L3MBTL4: variants seen among roughly 807,000 people sequenced by gnomAD.
The protein encoded by L3MBTL4 is L3MBTL histone methyl-lysine binding protein 4, also known as lethal(3)malignant brain tumor-like protein 4.
Under a neutral mutation model 84.5 loss-of-function variants are expected in L3MBTL4, and 70 were observed. The ratio of observed to expected loss-of-function variants is 0.83; its 90% CI spans 0.68 to 1.01. The LOEUF is 1.01. Among genes scored for constraint, L3MBTL4 ranks in the 50% least tolerant of loss-of-function variants. The pLI, the probability that L3MBTL4 is intolerant of heterozygous loss-of-function variation, is 0.00. For synonymous variants in L3MBTL4, 274 were observed against 259.8 expected, an observed-to-expected ratio of 1.05 and a Z score of -0.52; for missense variants, 715 against 754.8, an observed-to-expected ratio of 0.95 and a Z score of 0.62.
In L3MBTL4 at chr18:6,057,037, CT is replaced by C. The variant is rs375617840; in HGVS notation, c.1444+23843del. On this transcript the variant is annotated intron_variant, in intron 16 of 18. Transcript: ENST00000317931. ...TTCTTTTCTTTCTTTCTTTCTTTTT[CT>C]TTTTTTTTTTAAGATGGAATCTCGC... Among the ~76,000 whole-genome samples, 151 of 145,224 alleles carry C rather than the reference CT, an allele frequency of 1.0e-3. 3 individuals carry two copies. The East Asian group carries it at 0.017, about 16-fold the overall frequency.
At chr18:6,029,463 A>T in intron 16 of L3MBTL4, 1 of 974,634 alleles carries the variant, frequency 1.0e-6, no homozygotes, top group Non-Finnish European at 1.2e-6. Flanking sequence ...AAGAGATTAC[A>T]GTGGCAGGAT....
rs1310148698 is a variant in L3MBTL4 at position 6,026,224 on chromosome 18, G to C, written c.1444+54657C>G. Among the ~76,000 whole-genome samples, 4 of 152,202 alleles carry C rather than the reference G, an allele frequency of 2.6e-5. No individual in the cohort carries two copies. In the East Asian group the frequency reaches 7.7e-4, roughly 29 times the overall value. On this transcript the variant is annotated intron_variant, in intron 16 of 18. Transcript: ENST00000317931. ...AGACAAATTCTGGTGTCCTAGATTA[G>C]AAGAAAGGAAAAGGCTTGGTATATA... is the stretch of plus-strand genomic sequence containing the variant.
At chr18:6,266,877 C>T (rs922214998) in intron 4 of L3MBTL4, among the ~76,000 whole-genome samples, 4 of 152,044 alleles carry the variant, frequency 2.6e-5, no homozygotes, top group Middle Eastern at 3.4e-3. Context: ...GAGTGAAGAT[C>T]GTGCCATTGC....
chr18:6,370,691 C>T (rs1194959354), intron 1 of L3MBTL4, among the ~76,000 whole-genome samples: 1 of 152,160 alleles, frequency 6.6e-6, no homozygotes, highest in African/African-American at 2.4e-5. Flanking sequence ...AGAGTCCTCC[C>T]TGTTGGGAGA....
chr18:6,071,724 AGAAGGAAAGAAAGAAGGAAG>A (rs2057623046), intron 16 of L3MBTL4, among the ~76,000 whole-genome samples: 28 of 110,058 alleles, frequency 2.5e-4, no homozygotes, highest in Non-Finnish European at 3.8e-4. Context: ...AAGGAAAGAA[AGAAGGAAAGAAAGAAGGAAG>A]GAAAGAAAGA....
chr18:6,112,381 C>T (rs1468977932), intron 14 of L3MBTL4, among the ~76,000 whole-genome samples: 2 of 152,204 alleles, frequency 1.3e-5, no homozygotes, highest in Admixed American at 1.3e-4. Flanking sequence ...TGCACTGGCA[C>T]GTCACACTGA....
At chr18:6,082,784 T>C (rs1056930267) in intron 15 of L3MBTL4, among the ~76,000 whole-genome samples, 9 of 152,276 alleles carry the variant, frequency 5.9e-5, no homozygotes, top group African/African-American at 9.6e-5. Flanking sequence ...AGTTCTTCAA[T>C]TGATCATGGG....
At chr18:6,287,611 C>G (rs1331054595) in intron 4 of L3MBTL4, among the ~76,000 whole-genome samples, 1 of 152,184 alleles carries the variant, frequency 6.6e-6, no homozygotes, top group African/African-American at 2.4e-5. Context: ...AACACCCTCT[C>G]TACACTAAAA....
chr18:6,187,588 T>G (rs2044837962), intron 12 of L3MBTL4, among the ~76,000 whole-genome samples: 2 of 152,216 alleles, frequency 1.3e-5, no homozygotes, highest in Admixed American at 1.3e-4. Context: ...CTGCACCCTC[T>G]GAAACAGGTA....
chr18:6,345,019 C>T (rs951296174), intron 1 of L3MBTL4, among the ~76,000 whole-genome samples: 1 of 151,664 alleles, frequency 6.6e-6, no homozygotes, highest in Non-Finnish European at 1.5e-5. Context: ...AAAAGGCATC[C>T]AAGTCAGAAA....
chr18:6,295,309 A>ACT (rs58507219), intron 4 of L3MBTL4, among the ~76,000 whole-genome samples: 8,648 of 62,068 alleles, frequency 0.14, 803 homozygotes, highest in Non-Finnish European at 0.18. Flanking sequence ...AACAACAACA[A>ACT]CTCTCTCTCT....
intron 4 of L3MBTL4, among the ~76,000 whole-genome samples, chr18:6,300,547 G>C (rs2050293806): frequency 6.6e-6 from 1 of 152,118 alleles, no homozygotes; most frequent in Non-Finnish European, 1.5e-5. Context: ...AAACCAAAAA[G>C]CTATTTGAGA....
chr18:6,248,427 G>A (rs2047778800), intron 5 of L3MBTL4, among the ~76,000 whole-genome samples: 1 of 152,056 alleles, frequency 6.6e-6, no homozygotes, highest in Admixed American at 6.6e-5. Flanking sequence ...GTTCAAATTT[G>A]TTCAATTTGC....
intron 14 of L3MBTL4, among the ~76,000 whole-genome samples, chr18:6,109,894 A>G (rs1384226342): frequency 6.6e-6 from 1 of 151,470 alleles, no homozygotes; most frequent in South Asian, 2.1e-4. Context: ...AGGTCAGTGC[A>G]CCCTCCAGGC....
At chr18:6,047,487 A>G (rs1340214048) in intron 16 of L3MBTL4, among the ~76,000 whole-genome samples, 2 of 152,238 alleles carry the variant, frequency 1.3e-5, no homozygotes, top group Admixed American at 6.5e-5. Flanking sequence ...ATAAATATAG[A>G]CACAAAAATC....
chr18:5,957,834 T>C (rs1471504975), intron 18 of L3MBTL4, among the ~76,000 whole-genome samples: 1 of 151,348 alleles, frequency 6.6e-6, no homozygotes, highest in African/African-American at 2.4e-5. Flanking sequence ...CCAGGCGTAG[T>C]GGCATGCGCC....
chr18:6,386,572 G>C (rs1049086536), intron 1 of L3MBTL4, among the ~76,000 whole-genome samples: 5 of 152,206 alleles, frequency 3.3e-5, no homozygotes, highest in African/African-American at 1.2e-4. Context: ...ATGCCAGGTT[G>C]TGATGAGTGC....
intron 16 of L3MBTL4, among the ~76,000 whole-genome samples, chr18:6,068,286 A>G (rs2057462275): frequency 6.6e-6 from 1 of 152,176 alleles, no homozygotes; most frequent in Non-Finnish European, 1.5e-5. Flanking sequence ...CTTCAGGCCA[A>G]TAGGAGAGGT....
intron 12 of L3MBTL4, among the ~76,000 whole-genome samples, chr18:6,175,380 T>C (rs1301550295): frequency 6.6e-6 from 1 of 151,660 alleles, no homozygotes. Flanking sequence ...AATTTTCAGA[T>C]AAACAAAAAA....
Sources: gnomAD v4.1 joint callset for allele counts (sites outside exome capture counted in the v4.1 genomes callset) on GRCh38, gnomAD v4.1.1 for gene constraint, MANE v1.5 for transcripts, NCBI Gene and HGNC (gene_info 2026-07-23, HGNC 2026-07-21) for gene names.